The following DYRK1A variants were observed in gnomAD, a reference collection of about 807,000 sequenced individuals.
DYRK1A encodes dual specificity tyrosine-phosphorylation-regulated kinase 1A.
In DYRK1A, 9 loss-of-function variants were observed where a neutral mutation model predicts 79.7. The ratio of observed to expected loss-of-function variants is 0.11; its 90% CI spans 0.07 to 0.20. The LOEUF (loss-of-function observed/expected upper bound fraction) is 0.20. Ranked by LOEUF, DYRK1A falls within the 10% of genes least tolerant of loss-of-function variation. The pLI is 1.00. For missense variants in DYRK1A, 622 were observed against 956.0 expected (o/e 0.65, Z 4.61); for synonymous variants, 349 against 329.7 (o/e 1.06, Z -0.63).
intron 1 of DYRK1A, among the ~76,000 whole-genome samples, chr21:37,378,764 G>C (rs1436604448): frequency 6.6e-6 from 1 of 152,182 alleles, no homozygotes. Flanking sequence ...TGAGATAGGT[G>C]TGTCAATACA....
chr21:37,505,954 G>A (rs1266675962), intron 10 of DYRK1A, 145 bp from the exon 11 acceptor site: 3 of 1,043,212 alleles, frequency 2.9e-6, no homozygotes, highest in Non-Finnish European at 4.0e-6. Flanking sequence ...TGAAGACTTT[G>A]TGATATACTT....
chr21:37,447,601 A>G (rs1285809051), intron 2 of DYRK1A, among the ~76,000 whole-genome samples: 2 of 152,166 alleles, frequency 1.3e-5, no homozygotes, highest in Admixed American at 1.3e-4. Flanking sequence ...TAAAACATTC[A>G]CACTCTGGCC....
chr21:37,486,596 G>C lies in DYRK1A; in HGVS notation c.619G>C (p.Glu207Gln). The C allele has an allele frequency of 6.3e-7, 1 of 1,590,336 alleles. No individual in the cohort carries two copies. Among genetic ancestry groups the C allele is most frequent in the Non-Finnish European group, 8.5e-7 (1 of 1,169,760 alleles). The change falls in exon 6 of 12, where the codon GAA becomes CAA. Residue 207 changes from glutamate to glutamine, a missense_variant. Glu to Gln is a conservative substitution (Grantham distance 29). Around this residue, in one of 5 missense-constraint regions of DYRK1A, gnomAD observed 138 missense variants for 346.4 expected, o/e 0.40. Transcript: ENST00000647188. ...TGAGCTCATGAACAAACATGACACT[G>C]AAATGAAATACTACATAGGTAAACA... Reference protein sequence around the residue: ...LLELMNKHDTEMKYYIVHLKR... With the variant: ...LLELMNKHDTQMKYYIVHLKR...
intron 7 of DYRK1A, among the ~76,000 whole-genome samples, chr21:37,491,678 A>G (rs1011212258): frequency 3.0e-4 from 46 of 152,338 alleles, no homozygotes; most frequent in Admixed American, 2.2e-3. Flanking sequence ...CCTTCAAAAA[A>G]TCAAGAGATG....
chr21:37,389,304 T>C (rs1301030934), intron 1 of DYRK1A, among the ~76,000 whole-genome samples: 1 of 151,730 alleles, frequency 6.6e-6, no homozygotes, highest in Non-Finnish European at 1.5e-5. Flanking sequence ...GCTGGGAATA[T>C]AGGCGTACAC....
At chr21:37,500,685 G>A (rs917614441) in intron 9 of DYRK1A, among the ~76,000 whole-genome samples, 2 of 151,808 alleles carry the variant, frequency 1.3e-5, no homozygotes, top group Admixed American at 1.3e-4. Flanking sequence ...GTTAGTTTTG[G>A]TAAGTTGTAT....
In DYRK1A at chr21:37,505,539, T is replaced by G; in HGVS notation, c.1469T>G (p.Met490Arg). The G allele has an allele frequency of 6.2e-7, 1 of 1,611,590 alleles. No individual in the cohort carries two copies. Among genetic ancestry groups the G allele is most frequent in the Non-Finnish European group, 8.5e-7 (1 of 1,180,004 alleles). The change falls in exon 10 of 12, where the codon ATG becomes AGG. Residue 490 changes from methionine (M) to arginine (R), a missense_variant. By Grantham distance (91) the Met-to-Arg change is moderately conservative (BLOSUM62 -1). Around this residue, in one of 5 missense-constraint regions of DYRK1A, gnomAD observed 21 missense variants for 62.5 expected, o/e 0.34. Coordinates refer to ENST00000647188, the MANE Select transcript of DYRK1A (RefSeq NM_001347721.2). ...AATAGTGTATCTACAAGCCCCGCCA[T>G]GGAGCAGTCTCAGTCTTCGGGCACC... ...TSNSVSTSPA[M>R]EQSQSSGTTS...
At chr21:37,482,183 G>A (rs1378372950) in intron 5 of DYRK1A, among the ~76,000 whole-genome samples, 2 of 151,960 alleles carry the variant, frequency 1.3e-5, no homozygotes, top group African/African-American at 4.8e-5. Flanking sequence ...TTTTTAACCT[G>A]TGAGGAAAAA....
chr21:37,379,226 TAAG>T (rs1333412315), intron 1 of DYRK1A, among the ~76,000 whole-genome samples: 1 of 151,654 alleles, frequency 6.6e-6, no homozygotes, highest in Non-Finnish European at 1.5e-5. Flanking sequence ...GGTGACACTG[TAAG>T]AAGGAGGGTT....
At chr21:37,391,555 C>G (rs145902170) in intron 1 of DYRK1A, among the ~76,000 whole-genome samples, 1 of 152,212 alleles carries the variant, frequency 6.6e-6, no homozygotes, top group African/African-American at 2.4e-5. Context: ...CTTTAATACT[C>G]TTTCAAACCA....
chr21:37,405,170 T>A (rs1470675546), intron 1 of DYRK1A, among the ~76,000 whole-genome samples: 1 of 152,094 alleles, frequency 6.6e-6, no homozygotes, highest in African/African-American at 2.4e-5. Context: ...TGAGGCCCAC[T>A]GAGAGGACTC....
chr21:37,474,111 G>A (rs922504091), intron 3 of DYRK1A, among the ~76,000 whole-genome samples: 5 of 152,320 alleles, frequency 3.3e-5, no homozygotes, highest in African/African-American at 1.2e-4. Context: ...ACTTTTCCGT[G>A]TGTGAGCAGG....
At chr21:37,467,618 G>T (rs186937952) in intron 2 of DYRK1A, among the ~76,000 whole-genome samples, 1 of 152,288 alleles carries the variant, frequency 6.6e-6, no homozygotes, top group Non-Finnish European at 1.5e-5. Flanking sequence ...CATTTCAGTA[G>T]ATACAGAAAG....
rs939433170 is a variant in DYRK1A at position 37,523,801 on chromosome 21, A to T, written c.*11270A>T. The T allele has an allele frequency of 2.0e-5, 3 of 152,214 alleles. No homozygotes were observed. The highest frequency in any genetic ancestry group is 2.1e-4 in the South Asian group (1 of 4,828). 9.4% of individuals were successfully genotyped at this position (152,214 alleles called of 1,614,324 possible). A position where few individuals can be genotyped will look rare whatever the true frequency, so the allele number is the denominator to read the frequency against. On this transcript the variant is annotated 3_prime_UTR_variant, in exon 12 of 12. Transcript: ENST00000647188. ...GTGTCCATAAATGAAGTTTTATTGG[A>T]ACATAACCACATTCATTTGCAAGTT...
intron 1 of DYRK1A, among the ~76,000 whole-genome samples, chr21:37,401,554 C>G (rs2050055156): frequency 6.7e-6 from 1 of 150,326 alleles, no homozygotes. Context: ...ACCATCTCGG[C>G]TCACTGCAAC....
intron 2 of DYRK1A, among the ~76,000 whole-genome samples, chr21:37,439,608 C>T (rs551057448): frequency 8.5e-5 from 13 of 152,244 alleles, no homozygotes; most frequent in Admixed American, 4.6e-4. Context: ...ATCCAGGTTG[C>T]GTGCTTCTTA....
At chr21:37,500,523 T>A (rs1225294325) in intron 9 of DYRK1A, among the ~76,000 whole-genome samples, 2 of 152,126 alleles carry the variant, frequency 1.3e-5, no homozygotes, top group Non-Finnish European at 2.9e-5. Flanking sequence ...TCTGAAAAAA[T>A]TTGTATATGA....
At chr21:37,382,207 CT>C (rs201107878) in intron 1 of DYRK1A, among the ~76,000 whole-genome samples, 40 of 144,432 alleles carry the variant, frequency 2.8e-4, no homozygotes, top group Middle Eastern at 3.5e-3. Flanking sequence ...AGCTTGCTTT[CT>C]TTTTTTTTTT....
chr21:37,409,860 T>G (rs866454105), intron 1 of DYRK1A, among the ~76,000 whole-genome samples: 63 of 152,254 alleles, frequency 4.1e-4, no homozygotes, highest in African/African-American at 1.5e-3. Flanking sequence ...GCAGTGAAGC[T>G]TTCAGAAGAA....
Sources: gnomAD v4.1 joint callset for allele counts (sites outside exome capture counted in the v4.1 genomes callset) on GRCh38, gnomAD v4.1.1 for gene constraint, gnomAD v4.1.1 regional missense constraint, MANE v1.5 for transcripts, NCBI Gene and HGNC (gene_info 2026-07-23, HGNC 2026-07-21) for gene names.